Variants in CADM2 observed in about 807,000 individuals in gnomAD.
CADM2 encodes the protein immunoglobulin superfamily member 4D.
A neutral mutation model predicts 49.8 loss-of-function variants in CADM2; 12 were observed. That is an observed-to-expected ratio of 0.24 (90% confidence interval 0.15 to 0.39). CADM2 has a LOEUF of 0.39. CADM2 is among the 10% of genes least tolerant of loss of function. The pLI is 1.00. For missense variants in CADM2, 378 were observed against 492.3 expected (o/e 0.77, Z 2.20); for synonymous variants, 214 against 175.4 (o/e 1.22, Z -1.74).
At chr3:85,154,197 T>A (rs2107652688) in intron 1 of CADM2, among the ~76,000 whole-genome samples, 1 of 152,108 alleles carries the variant, frequency 6.6e-6, no homozygotes, top group African/African-American at 2.4e-5. Flanking sequence ...TTTTAAAAAA[T>A]TTAGAAGAAT....
At chr3:85,776,466 C>A (rs1163003020) in intron 2 of CADM2, among the ~76,000 whole-genome samples, 1 of 151,546 alleles carries the variant, frequency 6.6e-6, no homozygotes, top group Non-Finnish European at 1.5e-5. Context: ...ATTTAAAAAC[C>A]CATACCTGTC....
intron 1 of CADM2, among the ~76,000 whole-genome samples, chr3:84,980,182 C>T (rs2032085953): frequency 6.6e-6 from 1 of 152,202 alleles, no homozygotes; most frequent in Non-Finnish European, 1.5e-5. Context: ...AATTCACCGA[C>T]AGCCCCAGAT....
intron 8 of CADM2, chr3:85,994,468 A>G (rs1436046729): frequency 6.6e-6 from 1 of 152,134 alleles, no homozygotes; most frequent in Admixed American, 6.6e-5. Flanking sequence ...TATAATTTAC[A>G]TGTCCACCGG....
At chr3:85,638,353 A>C (rs2107543482) in intron 1 of CADM2, among the ~76,000 whole-genome samples, 1 of 152,256 alleles carries the variant, frequency 6.6e-6, no homozygotes, top group African/African-American at 2.4e-5. Context: ...TGTGTTTCCT[A>C]AATTCTTCTC....
intron 1 of CADM2, among the ~76,000 whole-genome samples, chr3:85,092,960 T>A (rs1476634398): frequency 2.0e-5 from 3 of 152,198 alleles, no homozygotes; most frequent in Non-Finnish European, 4.4e-5. Context: ...CTGTTTTACG[T>A]GAATAACATG....
At chr3:86,010,673 AT>A (rs1185974410) in intron 8 of CADM2, among the ~76,000 whole-genome samples, 1 of 151,342 alleles carries the variant, frequency 6.6e-6, no homozygotes, top group African/African-American at 2.4e-5. Flanking sequence ...AGAAAAAATA[AT>A]GAAAAATTTA....
intron 1 of CADM2, among the ~76,000 whole-genome samples, chr3:85,515,602 C>T (rs1211636270): frequency 2.2e-5 from 3 of 133,546 alleles, no homozygotes; most frequent in Admixed American, 8.0e-5. Flanking sequence ...AGTGCCACCA[C>T]GCCCACTAAT....
intron 1 of CADM2, among the ~76,000 whole-genome samples, chr3:85,040,318 C>A (rs1291804647): frequency 6.6e-6 from 1 of 152,108 alleles, no homozygotes; most frequent in East Asian, 1.9e-4. Flanking sequence ...CTTGGAAGAT[C>A]CTCTAAATAA....
chr3:85,769,540 CGTATAT>C lies in CADM2; in HGVS notation c.89-32506_89-32501del, dbSNP rs2069931383. Among the ~76,000 whole-genome samples the C allele has an allele frequency of 3.9e-5, 4 of 101,814 alleles. 1 individual carries two copies. The highest frequency in any genetic ancestry group is 1.4e-4 in the African/African-American group (3 of 22,196). The allele number at this position is 101,814 out of a possible 152,430, so 66.8% of individuals were successfully genotyped here. A position where few individuals can be genotyped will look rare whatever the true frequency, so the allele number is the denominator to read the frequency against. The stretch of plus-strand genomic sequence containing the variant: ...GTATATACATATATGTATATATACA[CGTATAT>C]ACATATATGTATATATACACGTATA... On this transcript the variant is annotated intron_variant, in intron 2 of 9. Transcript: ENST00000383699.
chr3:85,436,094 C>T (rs537124734), intron 1 of CADM2, among the ~76,000 whole-genome samples: 1 of 151,990 alleles, frequency 6.6e-6, no homozygotes, highest in Non-Finnish European at 1.5e-5. Context: ...TGAAGCCTTG[C>T]CCATGCCTGT....
At chr3:85,144,620 A>AGAAAGAAAG (rs1553688088) in intron 1 of CADM2, among the ~76,000 whole-genome samples, 1 of 136,366 alleles carries the variant, frequency 7.3e-6, no homozygotes, top group African/African-American at 2.9e-5. Context: ...TCAAAAAAAA[A>AGAAAGAAAG]AAAGAAAGAA....
rs1224210315 is a variant in CADM2 at position 85,212,877 on chromosome 3, TC to T, written c.61+253210del. 6.3e-3 allele frequency among the ~76,000 whole-genome samples: 830 copies of T among 131,278 alleles called. 36 individuals carry two copies. Among genetic ancestry groups the T allele is most frequent in the African/African-American group, 0.028 (780 of 28,070 alleles). 86.1% of individuals were successfully genotyped at this position (131,278 alleles called of 152,430 possible). ...TTCTTTCTTTCTTTCTTTCTTTCTTTCTTTCTTTCTCTTTCTTTCTTTTAAT... is the reference window on the plus strand; with the variant it reads ...TTCTTTCTTTCTTTCTTTCTTTCTTTTTTCTTTCTCTTTCTTTCTTTTAAT... On this transcript the variant is annotated intron_variant, in intron 1 of 9. Coordinates refer to ENST00000383699, the MANE Select transcript of CADM2 (RefSeq NM_001167675.2).
At chr3:85,716,386 T>G (rs186609512) in intron 1 of CADM2, among the ~76,000 whole-genome samples, 48 of 152,330 alleles carry the variant, frequency 3.2e-4, no homozygotes, top group African/African-American at 1.2e-3. Flanking sequence ...TTAAGTTCCT[T>G]GTAGATTCTA....
chr3:85,372,477 T>C (rs890577232), intron 1 of CADM2, among the ~76,000 whole-genome samples: 1 of 151,632 alleles, frequency 6.6e-6, no homozygotes, highest in Non-Finnish European at 1.5e-5. Context: ...TCAAAATGTA[T>C]GAATTTTATT....
At position 85,200,376 on chromosome 3, in the gene CADM2, T is replaced by C. The variant is rs532225530; in HGVS notation, c.61+240708T>C. On this transcript the variant is annotated intron_variant, in intron 1 of 9. Coordinates refer to ENST00000383699, the MANE Select transcript of CADM2 (RefSeq NM_001167675.2). ...TCTTGAACAGCTAATATTTTTTAGATACTGATAACTTGGTATGTGAAGCTA... is the reference window on the plus strand; with the variant it reads ...TCTTGAACAGCTAATATTTTTTAGACACTGATAACTTGGTATGTGAAGCTA... Among the ~76,000 whole-genome samples the C allele has an allele frequency of 3.9e-5, 6 of 152,226 alleles. No individual in the cohort carries two copies. The East Asian group carries it at 1.2e-3, about 29-fold the overall frequency.
At chr3:85,775,342 C>T (rs75011610) in intron 2 of CADM2, among the ~76,000 whole-genome samples, 112 of 151,704 alleles carry the variant, frequency 7.4e-4, no homozygotes, top group African/African-American at 2.6e-3. Flanking sequence ...AAGCTTTGTG[C>T]CCTATTATAG....
Position 85,327,606 on chromosome 3 carries a change from T to C in CADM2, c.61+367938T>C, listed in dbSNP as rs909549608. On this transcript the variant is annotated intron_variant, in intron 1 of 9. Coordinates refer to ENST00000383699, the MANE Select transcript of CADM2 (RefSeq NM_001167675.2). ...CACACACACCACACACACACACACATAAACTATATGTGTATTTATATAAAT... is the reference window on the plus strand; with the variant it reads ...CACACACACCACACACACACACACACAAACTATATGTGTATTTATATAAAT... 2.1e-5 allele frequency among the ~76,000 whole-genome samples: 3 copies of C among 139,976 alleles called. 1 individual carries two copies. The highest frequency in any genetic ancestry group is 2.1e-4 in the Admixed American group (3 of 14,180). 91.8% of individuals were successfully genotyped at this position (139,976 alleles called of 152,430 possible). A position where few individuals can be genotyped will look rare whatever the true frequency, so the allele number is the denominator to read the frequency against.
intron 8 of CADM2, among the ~76,000 whole-genome samples, chr3:86,042,891 G>A (rs1736138506): frequency 6.6e-6 from 1 of 152,072 alleles, no homozygotes; most frequent in African/African-American, 2.4e-5. Context: ...ATGATCAAGT[G>A]GGCTTCATCC....
chr3:85,319,512 T>C (rs2044548539), intron 1 of CADM2, among the ~76,000 whole-genome samples: 2 of 152,210 alleles, frequency 1.3e-5, no homozygotes, highest in African/African-American at 4.8e-5. Context: ...ATTACAATGC[T>C]ATTCACAATA....
Sources: allele counts gnomAD v4.1 joint callset (sites outside exome capture counted in the v4.1 genomes callset), GRCh38; gene constraint gnomAD v4.1.1; transcripts MANE v1.5; gene names NCBI Gene and HGNC (gene_info 2026-07-23, HGNC 2026-07-21).